The following NLGN1 variants were observed in gnomAD, a reference collection of about 807,000 sequenced individuals.
NLGN1 encodes neuroligin 1.
A neutral mutation model predicts 65.5 loss-of-function variants in NLGN1; 12 were observed. The observed-to-expected ratio is 0.18, with a 90% CI of 0.12 to 0.30. The LOEUF is 0.30. Ranked by LOEUF, NLGN1 falls within the 10% of genes least tolerant of loss-of-function variation. NLGN1 has a pLI of 1.00. For synonymous variants in NLGN1, 350 were observed against 359.5 expected (o/e 0.97, Z 0.30); for missense variants, 750 against 1,007.1 (o/e 0.74, Z 3.46).
intron 1 of NLGN1, among the ~76,000 whole-genome samples, chr3:173,415,943 A>AGAGAGAGCGAGAGC (rs141095727): frequency 3.4e-4 from 48 of 142,846 alleles, no homozygotes; most frequent in African/African-American, 1.2e-3. Context: ...AGAGAGAGAG[A>AGAGAGAGCGAGAGC]GCTTGGTATA....
At chr3:173,804,438 C>T (rs1188155973) in intron 3 of NLGN1, among the ~76,000 whole-genome samples, 1 of 151,878 alleles carries the variant, frequency 6.6e-6, no homozygotes, top group African/African-American at 2.4e-5. Context: ...AAAGAGACAA[C>T]TTGGCTCTAA....
intron 4 of NLGN1, among the ~76,000 whole-genome samples, chr3:173,887,879 A>T (rs1048545323): frequency 1.6e-4 from 24 of 152,018 alleles, no homozygotes; most frequent in South Asian, 4.2e-4. Flanking sequence ...ACTAAAAAAA[A>T]CCCACTTCTA....
chr3:174,067,107 A>C lies in NLGN1; in HGVS notation c.647-208208A>C, dbSNP rs183312823. 1.4e-4 allele frequency among the ~76,000 whole-genome samples: 22 copies of C among 152,284 alleles called. 1 individual carries two copies. In the East Asian group the frequency reaches 2.9e-3, roughly 20 times the overall value. On this transcript the variant is annotated intron_variant, in intron 4 of 6. Coordinates refer to ENST00000457714, the Ensembl canonical transcript of NLGN1. ...CTTAAATAACTCCTTCAGATAAAGA[A>C]AAAAATTAAAAACAAAGTCACAAAG...
chr3:174,142,483 G>T (rs771377277), intron 4 of NLGN1, among the ~76,000 whole-genome samples: 3 of 152,078 alleles, frequency 2.0e-5, no homozygotes, highest in Non-Finnish European at 4.4e-5. Context: ...GAGTTAAAAG[G>T]TATGTTAGTA....
At chr3:174,104,403 C>T (rs1713255101) in intron 4 of NLGN1, among the ~76,000 whole-genome samples, 1 of 152,030 alleles carries the variant, frequency 6.6e-6, no homozygotes, top group Admixed American at 6.6e-5. Context: ...CATGGTTTTA[C>T]TCAAAAATAT....
At chr3:174,003,396 GA>G (rs1272066267) in intron 4 of NLGN1, among the ~76,000 whole-genome samples, 4 of 152,046 alleles carry the variant, frequency 2.6e-5, no homozygotes, top group Non-Finnish European at 5.9e-5. Context: ...TATCACCTGG[GA>G]GATTGCCGGA....
At chr3:174,019,851 G>A (rs1234318185) in intron 4 of NLGN1, among the ~76,000 whole-genome samples, 1 of 152,060 alleles carries the variant, frequency 6.6e-6, no homozygotes, top group Non-Finnish European at 1.5e-5. Context: ...TATATAAATA[G>A]CAAGCATGAC....
chr3:173,961,091 A>G (rs1299311234), intron 4 of NLGN1, among the ~76,000 whole-genome samples: 1 of 152,036 alleles, frequency 6.6e-6, no homozygotes, highest in Non-Finnish European at 1.5e-5. Flanking sequence ...CAATGTGATA[A>G]TCTACCTTCC....
chr3:173,605,215 T>C, intron 3 of NLGN1, 124 bp downstream of exon 2: 1 of 754,938 alleles, frequency 1.3e-6, no homozygotes, highest in Admixed American at 2.9e-5. Flanking sequence ...TGTAGACATA[T>C]TTTACATGCG....
intron 4 of NLGN1, among the ~76,000 whole-genome samples, chr3:173,971,294 T>A (rs181418283): frequency 6.6e-6 from 1 of 152,156 alleles, no homozygotes; most frequent in African/African-American, 2.4e-5. Context: ...TAGAAAATAT[T>A]CACAAGAAGG....
intron 2 of NLGN1, among the ~76,000 whole-genome samples, chr3:173,545,961 G>C (rs888310099): frequency 1.3e-5 from 2 of 152,186 alleles, no homozygotes; most frequent in South Asian, 4.1e-4. Context: ...GGGGGCTAGG[G>C]AAGGGATAGC....
chr3:173,565,727 A>G (rs1743540146), intron 2 of NLGN1, among the ~76,000 whole-genome samples: 1 of 152,184 alleles, frequency 6.6e-6, no homozygotes, highest in African/African-American at 2.4e-5. Context: ...AGGTAAACCA[A>G]TTTATACTAC....
chr3:173,682,194 A>C (rs1324346271), intron 3 of NLGN1, among the ~76,000 whole-genome samples: 1 of 152,138 alleles, frequency 6.6e-6, no homozygotes, highest in African/African-American at 2.4e-5. Flanking sequence ...TATGTACAAC[A>C]CTTCATTTAG....
chr3:174,231,280 C>T (rs559591805), intron 4 of NLGN1, among the ~76,000 whole-genome samples: 5 of 152,162 alleles, frequency 3.3e-5, no homozygotes, highest in Admixed American at 6.5e-5. Flanking sequence ...GGAAATTCGC[C>T]GAGACTCCGG....
At position 173,541,762 on chromosome 3, in the gene NLGN1, A is replaced by G. The variant is rs143884416; in HGVS notation, c.-320-62517A>G. Among the ~76,000 whole-genome samples, 17 of 152,174 alleles carry G rather than the reference A, an allele frequency of 1.1e-4. No individual in the cohort carries two copies. The East Asian group carries it at 3.3e-3, about 29-fold the overall frequency. Reference sequence around the variant, plus strand: ...CAAAAGTTTTGTCTTATTTGTTTTTATACATCTAATGTTGCTGGCATCTGG... The same window carrying G: ...CAAAAGTTTTGTCTTATTTGTTTTTGTACATCTAATGTTGCTGGCATCTGG... On this transcript the variant is annotated intron_variant, in intron 2 of 6. Transcript: ENST00000457714.
chr3:173,681,851 C>T (rs943330310), intron 3 of NLGN1, among the ~76,000 whole-genome samples: 7 of 152,152 alleles, frequency 4.6e-5, no homozygotes, highest in African/African-American at 1.7e-4. Flanking sequence ...TCAATAATTT[C>T]TTCTTATTGT....
intron 3 of NLGN1, among the ~76,000 whole-genome samples, chr3:173,752,461 A>G (rs553065992): frequency 1.3e-5 from 2 of 152,062 alleles, no homozygotes; most frequent in South Asian, 2.1e-4. Context: ...CTCACCCTCA[A>G]TGCTCCAAAC....
intron 4 of NLGN1, among the ~76,000 whole-genome samples, chr3:173,943,553 G>T (rs1746542583): frequency 6.6e-6 from 1 of 152,178 alleles, no homozygotes; most frequent in African/African-American, 2.4e-5. Flanking sequence ...TGGTCCCCTT[G>T]AATTGGGTAA....
chr3:173,835,688 C>CA (rs1488746813), intron 4 of NLGN1, among the ~76,000 whole-genome samples: 2 of 151,054 alleles, frequency 1.3e-5, no homozygotes, highest in African/African-American at 4.9e-5. Context: ...ATATAAAACT[C>CA]AAAGTTTTAA....
Sources: allele counts gnomAD v4.1 joint callset (sites outside exome capture counted in the v4.1 genomes callset), GRCh38; gene constraint gnomAD v4.1.1; transcripts MANE v1.5; gene names NCBI Gene and HGNC (gene_info 2026-07-23, HGNC 2026-07-21).